The following PLPPR1 variants were observed in gnomAD, a reference collection of about 807,000 sequenced individuals.
PLPPR1 encodes phospholipid phosphatase related 1.
A neutral mutation model predicts 33.1 loss-of-function variants in PLPPR1; 10 were observed. The observed-to-expected ratio is 0.30, with a 90% CI of 0.19 to 0.51. The LOEUF (loss-of-function observed/expected upper bound fraction) is 0.51. PLPPR1 is among the 20% of genes least tolerant of loss of function. PLPPR1 has a pLI of 0.97. For missense variants in PLPPR1, 304 were observed against 408.1 expected (o/e 0.74, Z 2.20); for synonymous variants, 151 against 151.0 (o/e 1.00, Z 0.00).
chr9:101,069,954 T>G (rs1385195912), intron 1 of PLPPR1, among the ~76,000 whole-genome samples: 4 of 152,098 alleles, frequency 2.6e-5, no homozygotes, highest in East Asian at 3.9e-4. Flanking sequence ...TTATGGGTTT[T>G]GGGGAGGAAA....
chr9:101,153,740 AT>A (rs903561078), intron 1 of PLPPR1, among the ~76,000 whole-genome samples: 29 of 127,056 alleles, frequency 2.3e-4, no homozygotes, highest in African/African-American at 7.3e-4. Context: ...ATGCCTGGCT[AT>A]TTTTTTTGTA....
intron 1 of PLPPR1, among the ~76,000 whole-genome samples, chr9:101,045,220 C>T (rs1014088869): frequency 3.9e-5 from 6 of 152,308 alleles, no homozygotes; most frequent in Admixed American, 1.3e-4. Flanking sequence ...GCAGCTAAAA[C>T]CATTTTGACC....
chr9:101,322,268 G>GCCACAGTT (rs1829169027), intron 7 of PLPPR1, among the ~76,000 whole-genome samples: 2 of 133,734 alleles, frequency 1.5e-5, no homozygotes, highest in Middle Eastern at 4.0e-3. Flanking sequence ...TTAGATCAAA[G>GCCACAGTT]CCACAGTTTG....
At chr9:101,059,390 C>A (rs1830316677) in intron 1 of PLPPR1, among the ~76,000 whole-genome samples, 2 of 152,010 alleles carry the variant, frequency 1.3e-5, no homozygotes, top group Admixed American at 6.6e-5. Flanking sequence ...ATGAGTATAA[C>A]AAGTTAAATT....
intron 2 of PLPPR1, among the ~76,000 whole-genome samples, chr9:101,261,391 CAATATT>C (rs1827897122): frequency 2.0e-5 from 3 of 152,066 alleles, no homozygotes; most frequent in African/African-American, 7.2e-5. Flanking sequence ...AGTAGACACT[CAATATT>C]AGTTGAATGA....
chr9:101,044,014 A>G (rs1830115198), intron 1 of PLPPR1, among the ~76,000 whole-genome samples: 2 of 152,170 alleles, frequency 1.3e-5, no homozygotes, highest in Non-Finnish European at 1.5e-5. Context: ...TAAATAGGTG[A>G]GACTTAATTA....
intron 1 of PLPPR1, among the ~76,000 whole-genome samples, chr9:101,092,163 A>G (rs1437326072): frequency 6.6e-6 from 1 of 152,148 alleles, no homozygotes; most frequent in Non-Finnish European, 1.5e-5. Flanking sequence ...TTGTGTTTCT[A>G]TCTTTGTCTT....
chr9:101,195,290 A>G (rs1181252313), intron 2 of PLPPR1, among the ~76,000 whole-genome samples: 1 of 152,164 alleles, frequency 6.6e-6, no homozygotes, highest in African/African-American at 2.4e-5. Flanking sequence ...CATTCCACAA[A>G]TATATTGAAG....
At chr9:101,125,530 C>T in intron 1 of PLPPR1, 1 of 407,278 alleles carries the variant, frequency 2.5e-6, no homozygotes, top group Non-Finnish European at 4.6e-6. Context: ...GACCCAGCAC[C>T]AGATTGAAGG....
intron 2 of PLPPR1, among the ~76,000 whole-genome samples, chr9:101,246,100 A>ATATATATATT (rs1827604674): frequency 7.5e-6 from 1 of 133,842 alleles, no homozygotes; most frequent in African/African-American, 2.7e-5. Flanking sequence ...ATATATATAT[A>ATATATATATT]TATATATATA....
intron 1 of PLPPR1, among the ~76,000 whole-genome samples, chr9:101,178,330 A>G (rs1042685899): frequency 1.3e-5 from 2 of 152,132 alleles, no homozygotes; most frequent in African/African-American, 4.8e-5. Context: ...AGAGACCAAC[A>G]CTGAGCCCTA....
At chr9:101,221,895 C>A (rs1308215118) in intron 2 of PLPPR1, among the ~76,000 whole-genome samples, 3 of 152,118 alleles carry the variant, frequency 2.0e-5, no homozygotes, top group Non-Finnish European at 4.4e-5. Flanking sequence ...TTCTCTTTTT[C>A]TGAGGATTAA....
intron 4 of PLPPR1, among the ~76,000 whole-genome samples, chr9:101,294,655 A>G (rs1236937008): frequency 1.3e-5 from 2 of 152,194 alleles, no homozygotes; most frequent in Non-Finnish European, 1.5e-5. Flanking sequence ...AGTATACACA[A>G]ATCAATAAAT....
At chr9:101,202,580 T>A (rs2118750532) in intron 2 of PLPPR1, among the ~76,000 whole-genome samples, 1 of 152,316 alleles carries the variant, frequency 6.6e-6, no homozygotes, top group East Asian at 1.9e-4. Flanking sequence ...AGGATTTGAA[T>A]GCAAGTAGTT....
chr9:101,038,044 G>C (rs1830030933), intron 1 of PLPPR1, among the ~76,000 whole-genome samples: 1 of 151,904 alleles, frequency 6.6e-6, no homozygotes. Context: ...TCATATTTCT[G>C]CTCTAACCTC....
chr9:101,180,177 GACAC>G (rs1298162636), intron 1 of PLPPR1, among the ~76,000 whole-genome samples: 3 of 94,620 alleles, frequency 3.2e-5, no homozygotes, highest in Admixed American at 2.1e-4. Flanking sequence ...CACACACACA[GACAC>G]ACACATATAT....
intron 1 of PLPPR1, among the ~76,000 whole-genome samples, chr9:101,048,294 A>C (rs1384583059): frequency 6.6e-6 from 1 of 152,180 alleles, no homozygotes; most frequent in South Asian, 2.1e-4. Flanking sequence ...ATGACAACCG[A>C]GTTTATAATT....
At chr9:101,037,901 C>G (rs912089133) in intron 1 of PLPPR1, among the ~76,000 whole-genome samples, 1 of 142,242 alleles carries the variant, frequency 7.0e-6, no homozygotes, top group Non-Finnish European at 1.5e-5. Context: ...GTGACACAGA[C>G]AGTTCCTGGC....
At chr9:101,302,895 A>G (rs1828778936) in intron 4 of PLPPR1, among the ~76,000 whole-genome samples, 1 of 152,234 alleles carries the variant, frequency 6.6e-6, no homozygotes, top group East Asian at 1.9e-4. Context: ...ATATCATACA[A>G]CATGCTACTA....
Sources: allele counts gnomAD v4.1 joint callset (sites outside exome capture counted in the v4.1 genomes callset), GRCh38; gene constraint gnomAD v4.1.1; transcripts MANE v1.5; gene names NCBI Gene and HGNC (gene_info 2026-07-23, HGNC 2026-07-21).